KATNAL2: variants seen among roughly 807,000 people sequenced by gnomAD.
KATNAL2 encodes katanin p60 ATPase-containing subunit A-like 2.
KATNAL2 carries 52 observed loss-of-function variants against 76.3 expected under a neutral mutation model. The ratio of observed to expected loss-of-function variants is 0.68; its 90% confidence interval spans 0.55 to 0.86. KATNAL2 has a LOEUF of 0.86. Among genes scored for constraint, KATNAL2 ranks in the 40% least tolerant of loss-of-function variants. KATNAL2 has a pLI of 0.00. For missense variants in KATNAL2, 660 were observed against 668.9 expected, an observed-to-expected ratio of 0.99 and a Z score of 0.15; for synonymous variants, 243 against 244.2, an observed-to-expected ratio of 1.00 and a Z score of 0.05.
At chr18:46,937,436 A>T (rs947952053) in intron 1 of KATNAL2, among the ~76,000 whole-genome samples, 1 of 152,102 alleles carries the variant, frequency 6.6e-6, no homozygotes, top group African/African-American at 2.4e-5. Flanking sequence ...GCTAAATGTT[A>T]TATGGTATCC....
At chr18:47,061,646 G>A (rs1043041257) in intron 8 of KATNAL2, among the ~76,000 whole-genome samples, 1 of 152,178 alleles carries the variant, frequency 6.6e-6, no homozygotes, top group African/African-American at 2.4e-5. Flanking sequence ...AGGCTTCAGA[G>A]TCAGCCTGTC....
intron 15 of KATNAL2, chr18:47,098,420 T>G (rs1252783521): frequency 4.8e-6 from 1 of 207,552 alleles, no homozygotes; most frequent in Admixed American, 5.6e-5. Context: ...AAACCCCTGA[T>G]AAAACCATCA....
chr18:46,937,870 G>A (rs932341727), intron 1 of KATNAL2, among the ~76,000 whole-genome samples: 3 of 152,152 alleles, frequency 2.0e-5, no homozygotes, highest in African/African-American at 7.2e-5. Context: ...CTGAGAAGCC[G>A]AGGCAGGAGG....
At chr18:47,037,931 C>T (rs531056789) in intron 3 of KATNAL2, among the ~76,000 whole-genome samples, 22 of 152,134 alleles carry the variant, frequency 1.4e-4, no homozygotes, top group African/African-American at 3.6e-4. Flanking sequence ...GTGATCCTCC[C>T]ACCTTGGCCT....
intron 1 of KATNAL2, among the ~76,000 whole-genome samples, chr18:46,922,886 A>G (rs1453612832): frequency 1.3e-5 from 2 of 148,226 alleles, no homozygotes; most frequent in East Asian, 1.9e-4. Context: ...TTTAATATAT[A>G]ATATCATATT....
At chr18:47,084,832 G>C (rs2062695713) in intron 15 of KATNAL2, among the ~76,000 whole-genome samples, 1 of 109,424 alleles carries the variant, frequency 9.1e-6, no homozygotes, top group Non-Finnish European at 1.7e-5. Context: ...CTGGATGACA[G>C]AGCAAGACTC....
At chr18:47,099,668 C>T (rs2063390140) in intron 16 of KATNAL2, among the ~76,000 whole-genome samples, 1 of 152,166 alleles carries the variant, frequency 6.6e-6, no homozygotes, top group Non-Finnish European at 1.5e-5. Flanking sequence ...GGCCCTGCTG[C>T]TTGTTAGCTG....
intron 3 of KATNAL2, among the ~76,000 whole-genome samples, chr18:47,041,764 G>A (rs1437896782): frequency 6.6e-6 from 1 of 152,146 alleles, no homozygotes; most frequent in Non-Finnish European, 1.5e-5. Flanking sequence ...TAAGAGTATG[G>A]TTAGTCTTTA....
chr18:47,049,054 C>G (rs1054843247), intron 4 of KATNAL2, among the ~76,000 whole-genome samples: 5 of 152,016 alleles, frequency 3.3e-5, no homozygotes, highest in Non-Finnish European at 7.4e-5. Flanking sequence ...CGATCTCCTG[C>G]CCTCGTGATC....
intron 5 of KATNAL2, among the ~76,000 whole-genome samples, chr18:47,053,974 A>G (rs1411302272): frequency 6.6e-6 from 1 of 152,192 alleles, no homozygotes; most frequent in African/African-American, 2.4e-5. Context: ...GATATTGGAC[A>G]CGTTATTTTT....
At chr18:47,068,874 G>A (rs1207845227) in intron 11 of KATNAL2, among the ~76,000 whole-genome samples, 1 of 152,136 alleles carries the variant, frequency 6.6e-6, no homozygotes, top group African/African-American at 2.4e-5. Context: ...TCAAAAGATT[G>A]CCAAATGCTC....
At chr18:46,937,298 G>A (rs1469229436) in intron 1 of KATNAL2, among the ~76,000 whole-genome samples, 1 of 151,956 alleles carries the variant, frequency 6.6e-6, no homozygotes, top group Non-Finnish European at 1.5e-5. Context: ...AAATATAAAG[G>A]TCATCAAAAA....
chr18:47,039,034 C>T (rs2060873456), intron 3 of KATNAL2, among the ~76,000 whole-genome samples: 2 of 152,274 alleles, frequency 1.3e-5, no homozygotes, highest in Middle Eastern at 3.4e-3. Context: ...AGCAGGCCCT[C>T]ATGGTGCTGT....
chr18:47,054,748 C>G, intron 6 of KATNAL2: 1 of 327,276 alleles, frequency 3.1e-6, no homozygotes, highest in Non-Finnish European at 5.5e-6. Flanking sequence ...CTGCTATTTA[C>G]AAGCATGGAG....
Position 46,926,152 on chromosome 18 carries a change from T to C in KATNAL2, c.-510+8226T>C, listed in dbSNP as rs568457904. The stretch of plus-strand genomic sequence containing the variant: ...CTTTTGAATGTGTTTGCTCTTGCTT[T>C]TCTAGTTCTTTTAATTGTGATGTTA... On this transcript the variant is annotated intron_variant, in intron 1 of 17. Coordinates refer to ENST00000683218, the MANE Select transcript of KATNAL2 (RefSeq NM_001387690.1). 6.3e-3 allele frequency among the ~76,000 whole-genome samples: 955 copies of C among 151,632 alleles called. 7 individuals carry two copies. The highest frequency in any genetic ancestry group is 0.022 in the African/African-American group (898 of 41,440).
intron 13 of KATNAL2, among the ~76,000 whole-genome samples, chr18:47,070,972 G>A (rs185565165): frequency 1.1e-4 from 17 of 152,262 alleles, no homozygotes; most frequent in Admixed American, 2.6e-4. Flanking sequence ...TTAGTTAGCT[G>A]GAGGTTCAGT....
chr18:47,066,848 T>C (rs1162166489), intron 10 of KATNAL2, among the ~76,000 whole-genome samples, 173 bp from the exon 11 acceptor site: 1 of 14,880 alleles, frequency 6.7e-5, no homozygotes, highest in African/African-American at 1.8e-4. Context: ...TATATGTGTT[T>C]ATATATATAT....
chr18:46,928,701 C>T (rs1431116295), intron 1 of KATNAL2, among the ~76,000 whole-genome samples: 1 of 151,408 alleles, frequency 6.6e-6, no homozygotes, highest in Non-Finnish European at 1.5e-5. Context: ...ATCTTGGCTC[C>T]TCCCCCCTGA....
At chr18:46,951,670 A>G (rs150775222) in intron 3 of KATNAL2, among the ~76,000 whole-genome samples, 300 of 152,260 alleles carry the variant, frequency 2.0e-3, no homozygotes, top group African/African-American at 7.0e-3. Context: ...TTGGAAACAA[A>G]GTATCTATGA....
Sources: allele counts gnomAD v4.1 joint callset (sites outside exome capture counted in the v4.1 genomes callset), GRCh38; gene constraint gnomAD v4.1.1; transcripts MANE v1.5; gene names NCBI Gene and HGNC (gene_info 2026-07-23, HGNC 2026-07-21).